Variants in ARFGEF1 observed in about 807,000 individuals in gnomAD.
The protein encoded by ARFGEF1 is ARF guanine nucleotide exchange factor 1, also known as brefeldin A-inhibited guanine nucleotide-exchange protein 1.
In ARFGEF1, 42 loss-of-function variants were observed where a neutral mutation model predicts 231.0. That is an observed-to-expected ratio of 0.18 (90% confidence interval 0.14 to 0.24). The LOEUF is 0.24. Ranked by LOEUF, ARFGEF1 falls within the 10% of genes least tolerant of loss-of-function variation. ARFGEF1 has a pLI of 1.00. For missense variants in ARFGEF1, 1,345 were observed against 2,192.0 expected (o/e 0.61, Z 7.72); for synonymous variants, 710 against 732.3 (o/e 0.97, Z 0.49).
At chr8:67,268,336 A>G (rs574216715) in intron 10 of ARFGEF1, among the ~76,000 whole-genome samples, 2 of 152,310 alleles carry the variant, frequency 1.3e-5, no homozygotes, top group South Asian at 4.1e-4. Flanking sequence ...TCACGTCCAT[A>G]TTGCAGGGCA....
chr8:67,195,590 T>A, downstream of ARFGEF1: 1 of 1,613,872 alleles, frequency 6.2e-7, no homozygotes, highest in East Asian at 2.2e-5. Context: ...CTGCACATGG[T>A]TAAAATAAAC....
At chr8:67,201,680 C>T (rs1563832615) in intron 36 of ARFGEF1, 75 bp from the exon 37 acceptor site, 1 of 1,582,994 alleles carries the variant, frequency 6.3e-7, no homozygotes, top group East Asian at 2.3e-5. Context: ...CGTATGGAGG[C>T]ACATTTTGTT....
chr8:67,249,779 G>C (rs1840218860), intron 19 of ARFGEF1, among the ~76,000 whole-genome samples: 1 of 152,074 alleles, frequency 6.6e-6, no homozygotes, highest in African/African-American at 2.4e-5. Flanking sequence ...ATGCCACCAA[G>C]CCTGGCTAAT....
At chr8:67,221,238 C>T (rs1351128461) in intron 29 of ARFGEF1, among the ~76,000 whole-genome samples, 1 of 152,174 alleles carries the variant, frequency 6.6e-6, no homozygotes, top group Non-Finnish European at 1.5e-5. Flanking sequence ...CTTATACTTA[C>T]AAATTTTTAA....
chr8:67,266,468 G>A (rs2128893870), intron 13 of ARFGEF1, among the ~76,000 whole-genome samples: 1 of 152,180 alleles, frequency 6.6e-6, no homozygotes, highest in East Asian at 1.9e-4. Flanking sequence ...TCTGCTCTCA[G>A]CTCACTCCTC....
chr8:67,330,353 C>A (rs1808044276), intron 1 of ARFGEF1, among the ~76,000 whole-genome samples: 1 of 152,044 alleles, frequency 6.6e-6, no homozygotes, highest in African/African-American at 2.4e-5. Context: ...ATATTACAAA[C>A]AAAAGAACCT....
intron 1 of ARFGEF1, among the ~76,000 whole-genome samples, chr8:67,311,965 T>C (rs1267130293): frequency 6.6e-6 from 1 of 152,152 alleles, no homozygotes; most frequent in Non-Finnish European, 1.5e-5. Flanking sequence ...CTGAAACATG[T>C]GCTGTGTCCA....
chr8:67,337,430 A>G lies in ARFGEF1; in HGVS notation c.124+5734T>C, dbSNP rs557434267. Reference sequence around the variant, plus strand: ...CAGCAAATCCTGTGGATTCCAAAATATATTCCAAATGCACACAATTATCAC... The same window carrying G: ...CAGCAAATCCTGTGGATTCCAAAATGTATTCCAAATGCACACAATTATCAC... On this transcript the variant is annotated intron_variant, in intron 1 of 38. Transcript: ENST00000262215. 2.8e-4 allele frequency among the ~76,000 whole-genome samples: 43 copies of G among 152,204 alleles called. No individual in the cohort carries two copies. The South Asian group carries it at 8.7e-3, about 31-fold the overall frequency.
At chr8:67,314,351 AC>A (rs780425815) in intron 1 of ARFGEF1, among the ~76,000 whole-genome samples, 4 of 152,014 alleles carry the variant, frequency 2.6e-5, no homozygotes, top group African/African-American at 4.8e-5. Context: ...GTGGAGTTTT[AC>A]CCCCCTGCTC....
intron 7 of ARFGEF1, among the ~76,000 whole-genome samples, chr8:67,286,176 TA>T (rs1805749352): frequency 6.6e-6 from 1 of 152,224 alleles, no homozygotes; most frequent in Admixed American, 6.5e-5. Flanking sequence ...TCATGATGTA[TA>T]CAACCGATTT....
chr8:67,343,498 A>G lies in ARFGEF1; in HGVS notation c.-211T>C. ...GGGCGTCGAGGTCCTCGCCGCCCCC[A>G]AGAAGCCGTACCTCGAGGGCCGCGC... is the stretch of plus-strand genomic sequence containing the variant. On this transcript the variant is annotated 5_prime_UTR_variant, in exon 1 of 39. Coordinates refer to ENST00000262215, the MANE Select transcript of ARFGEF1 (RefSeq NM_006421.5). 7.9e-7 allele frequency: 1 copy of G among 1,261,660 alleles called. No homozygotes were observed. The highest frequency in any genetic ancestry group is 1.0e-6 in the Non-Finnish European group (1 of 998,874). The allele number at this position is 1,261,660 out of a possible 1,614,324, so 78.2% of individuals were successfully genotyped here. A position where few individuals can be genotyped will look rare whatever the true frequency, so the allele number is the denominator to read the frequency against.
chr8:67,343,095 C>A, intron 1 of ARFGEF1, 69 bp downstream of exon 1: 1 of 475,958 alleles, frequency 2.1e-6, no homozygotes, highest in Admixed American at 3.9e-5. Flanking sequence ...GCGACCCCAC[C>A]CCCCCACAGG....
chr8:67,238,715 T>C lies in ARFGEF1; in HGVS notation c.3138+20A>G. The C allele has an allele frequency of 6.2e-7, 1 of 1,608,474 alleles. No homozygotes were observed. Among genetic ancestry groups the C allele is most frequent in the Non-Finnish European group, 8.5e-7 (1 of 1,176,000 alleles). ...CATTTTATAAACCAAATTGCAAAGTTGAAAATAAAGTGCTTATACCTCATG... is the reference window on the plus strand; with the variant it reads ...CATTTTATAAACCAAATTGCAAAGTCGAAAATAAAGTGCTTATACCTCATG... On this transcript the variant is annotated intron_variant, in intron 21 of 38. Transcript: ENST00000262215.
At chr8:67,213,901 A>G (rs1220216850) in intron 33 of ARFGEF1, among the ~76,000 whole-genome samples, 1 of 152,178 alleles carries the variant, frequency 6.6e-6, no homozygotes, top group African/African-American at 2.4e-5. Flanking sequence ...ATCTATCTAT[A>G]CAAATCTCTC....
chr8:67,316,790 G>A (rs1410065574), intron 1 of ARFGEF1, among the ~76,000 whole-genome samples: 2 of 152,118 alleles, frequency 1.3e-5, no homozygotes, highest in Admixed American at 1.3e-4. Context: ...AATCTGGTTG[G>A]TCTTTGTCCC....
At chr8:67,303,396 C>T (rs2128916886) in intron 1 of ARFGEF1, among the ~76,000 whole-genome samples, 1 of 152,206 alleles carries the variant, frequency 6.6e-6, no homozygotes, top group Non-Finnish European at 1.5e-5. Flanking sequence ...TTAGACAAAT[C>T]CTACCCGTAA....
chr8:67,245,332 A>T (rs1840071030), intron 19 of ARFGEF1, among the ~76,000 whole-genome samples: 2 of 150,568 alleles, frequency 1.3e-5, no homozygotes, highest in African/African-American at 5.0e-5. Context: ...GTATTATAAC[A>T]CTGTGTAACT....
chr8:67,298,461 T>G (rs1042570471), intron 4 of ARFGEF1, among the ~76,000 whole-genome samples: 8 of 152,160 alleles, frequency 5.3e-5, no homozygotes, highest in Non-Finnish European at 1.2e-4. Context: ...ATCAGGAGAA[T>G]TGGCGGATAA....
chr8:67,329,061 A>G (rs1057308433), intron 1 of ARFGEF1, among the ~76,000 whole-genome samples: 10 of 152,138 alleles, frequency 6.6e-5, no homozygotes, highest in African/African-American at 2.4e-4. Context: ...CCCCGTCTCT[A>G]CTAAAAATAC....
Sources: gnomAD v4.1 joint callset for allele counts (sites outside exome capture counted in the v4.1 genomes callset) on GRCh38, gnomAD v4.1.1 for gene constraint, MANE v1.5 for transcripts, NCBI Gene and HGNC (gene_info 2026-07-23, HGNC 2026-07-21) for gene names.